PHRF1: variants seen among roughly 807,000 people sequenced by gnomAD.
PHRF1 encodes the protein PHD and ring finger domains 1, also known as PHD and RING finger domain-containing protein 1.
Under a neutral mutation model 128.9 loss-of-function variants are expected in PHRF1, and 53 were observed. That is an observed-to-expected ratio of 0.41 (90% CI 0.33 to 0.52). The LOEUF is 0.52. PHRF1 is among the 20% of genes least tolerant of loss of function. The pLI, the probability that PHRF1 is intolerant of heterozygous loss-of-function variation, is 0.21. For synonymous variants in PHRF1, 1,178 were observed against 980.6 expected (o/e 1.20, Z -3.76); for missense variants, 2,503 against 2,284.5 (o/e 1.10, Z -1.95).
At chr11:590,657 G>GGC (rs1854914469) in intron 4 of PHRF1, among the ~76,000 whole-genome samples, 1 of 152,156 alleles carries the variant, frequency 6.6e-6, no homozygotes, top group Non-Finnish European at 1.5e-5. Context: ...TATTAATAAA[G>GGC]GCAAAAATAA....
At chr11:590,847 G>A (rs1319582817) in intron 4 of PHRF1, among the ~76,000 whole-genome samples, 4 of 152,164 alleles carry the variant, frequency 2.6e-5, no homozygotes, top group Non-Finnish European at 4.4e-5. Context: ...GGGGTTACAG[G>A]TATGCGCCAC....
Position 607,771 on chromosome 11 carries a change from C to T in PHRF1, c.2315C>T (p.Ser772Leu), listed in dbSNP as rs752568631. 6.8e-6 allele frequency: 11 copies of T among 1,612,450 alleles called. No individual in the cohort carries two copies. Among genetic ancestry groups the T allele is most frequent in the Non-Finnish European group, 9.3e-6 (11 of 1,179,784 alleles). The stretch of plus-strand genomic sequence containing the variant: ...CCATCAAGAGGGAAAGGGGTCGGGT[C>T]GACCTTTGAGAGCTTCCGGATCAAT... ...LGPSRGKGVG[S>L]TFESFRINIP... The change falls in exon 14 of 18, where the codon TCG becomes TTG. Residue 772 changes from serine to leucine, a missense_variant. Transcript: ENST00000264555.
intron 12 of PHRF1, 39 bp downstream of exon 12, chr11:605,763 C>A: frequency 6.3e-7 from 1 of 1,576,384 alleles, no homozygotes; most frequent in South Asian, 1.1e-5. Context: ...GTGGGGGCAG[C>A]AGTTGGGCAT....
intron 1 of PHRF1, among the ~76,000 whole-genome samples, chr11:580,531 T>C (rs1303720105): frequency 6.6e-6 from 1 of 152,152 alleles, no homozygotes. Context: ...TGGGGTGCGG[T>C]CAGAGGAGCC....
Position 608,763 on chromosome 11 carries a change from C to T in PHRF1, c.3307C>T (p.His1103Tyr). The stretch of plus-strand genomic sequence containing the variant: ...GAGCCCTGGCAGCTCTTCCTATGAG[C>T]ACTATGAGAGTAGGAAGAAGAAGAA... Reference protein sequence around the residue: ...SGSPGSSSYEHYESRKKKKRR... With the variant: ...SGSPGSSSYEYYESRKKKKRR... The change falls in exon 14 of 18, where the codon CAC (histidine) becomes TAC (tyrosine). Residue 1103 changes from histidine (H) to tyrosine (Y), a missense_variant. Coordinates refer to ENST00000264555, the MANE Select transcript of PHRF1 (RefSeq NM_001286581.2). 1 of 1,611,644 alleles carries T rather than the reference C, an allele frequency of 6.2e-7. No individual in the cohort carries two copies. Among genetic ancestry groups the T allele is most frequent in the Non-Finnish European group, 8.5e-7 (1 of 1,179,592 alleles).
chr11:591,492 G>A (rs1854970013), intron 5 of PHRF1, 25 bp downstream of exon 5: 2 of 1,573,060 alleles, frequency 1.3e-6, no homozygotes, highest in Non-Finnish European at 1.7e-6. Context: ...TGCCGTGGAG[G>A]CCCCAGCCGT....
intron 9 of PHRF1, among the ~76,000 whole-genome samples, chr11:599,074 AC>A (rs1855474883): frequency 6.6e-6 from 1 of 151,892 alleles, no homozygotes; most frequent in South Asian, 2.1e-4. Flanking sequence ...CTTGTCAGAC[AC>A]CCCCGGCGCT....
Position 610,717 on chromosome 11 carries a change from A to C in PHRF1, c.4633A>C (p.Thr1545Pro). ...ATAASNSEEK[T>P]PAPRLAAEKT... ...TGCAGCCAGCAACTCGGAGGAGAAG[A>C]CCCCGGCCCCCAGGCTAGCTGCGGA... The change falls in exon 16 of 18, where the codon ACC becomes CCC. Residue 1545 changes from threonine (T) to proline (P), a missense_variant. Transcript: ENST00000264555. The C allele has an allele frequency of 6.2e-7, 1 of 1,602,440 alleles. No individual in the cohort carries two copies. The highest frequency in any genetic ancestry group is 8.5e-7 in the Non-Finnish European group (1 of 1,179,752).
rs758722573 is a variant in PHRF1 at position 608,981 on chromosome 11, C to T, written c.3525C>T (p.His1175=). The T allele has an allele frequency of 8.1e-6, 13 of 1,607,468 alleles. No homozygotes were observed. Among genetic ancestry groups the T allele is most frequent in the Admixed American group, 6.8e-5 (4 of 58,992 alleles). Residue 1175 remains histidine, a synonymous_variant, in exon 14 of 18, where the codon CAC becomes CAT. Transcript: ENST00000264555. ...SPSSEHRARE[H]RRPRSREKWP... ...GCTCGGAGCACAGGGCACGGGAGCA[C>T]AGGCGGCCTCGGTCCCGTGAGAAGT... is the stretch of plus-strand genomic sequence containing the variant.
At chr11:579,457 C>T (rs1162913553) in intron 1 of PHRF1, among the ~76,000 whole-genome samples, 1 of 152,188 alleles carries the variant, frequency 6.6e-6, no homozygotes, top group Non-Finnish European at 1.5e-5. Flanking sequence ...TCAGGGTGGT[C>T]ACAGCTATTG....
rs1003459467 is a variant in PHRF1 at position 610,071 on chromosome 11, G to T, written c.4265-125G>T. On this transcript the variant is annotated intron_variant, in intron 14 of 17. Coordinates refer to ENST00000264555, the MANE Select transcript of PHRF1 (RefSeq NM_001286581.2). ...TCGCAACCTCCCCTTGGTGCTGGGG[G>T]TGGATCTGAGGGCTGCTCTGTGGTC... 3.2e-6 allele frequency: 4 copies of T among 1,254,952 alleles called. No homozygotes were observed. In the African/African-American group the frequency reaches 6.1e-5, roughly 19 times the overall value. The allele number at this position is 1,254,952 out of a possible 1,614,324, so 77.7% of individuals were successfully genotyped here. A position where few individuals can be genotyped will look rare whatever the true frequency, so the allele number is the denominator to read the frequency against.
chr11:610,417 T>A (rs1274042410), intron 15 of PHRF1, 70 bp downstream of exon 15: 3 of 1,540,492 alleles, frequency 1.9e-6, no homozygotes, highest in South Asian at 1.2e-5. Flanking sequence ...CACACCACAC[T>A]AGGCTGGGGC....
intron 9 of PHRF1, among the ~76,000 whole-genome samples, chr11:599,764 G>T (rs1855519892): frequency 6.6e-6 from 1 of 151,752 alleles, no homozygotes; most frequent in African/African-American, 2.4e-5. Flanking sequence ...GTCTGGTGCA[G>T]GGTCCTGGGT....
chr11:578,044 T>A (rs1396075428), intron 1 of PHRF1, among the ~76,000 whole-genome samples: 1 of 152,230 alleles, frequency 6.6e-6, no homozygotes, highest in Admixed American at 6.5e-5. Flanking sequence ...AGAAATGGCT[T>A]CCTGGCCTGT....
intron 10 of PHRF1, 110 bp from the exon 11 acceptor site, chr11:605,009 C>G (rs917449032): frequency 7.1e-6 from 8 of 1,127,310 alleles, no homozygotes; most frequent in Non-Finnish European, 9.9e-6. Context: ...TAGTATTTTC[C>G]GGCTCTAGTG....
intron 3 of PHRF1, 103 bp from the exon 4 acceptor site, chr11:587,156 T>C (rs1298756011): frequency 9.0e-7 from 1 of 1,115,928 alleles, no homozygotes; most frequent in Admixed American, 2.1e-5. Flanking sequence ...GGGCTGTGCA[T>C]TGCCGACCTG....
At chr11:585,651 TTCCAGCTTGAGGTAGTAGCTCTTCAACTC>T (rs1854499717) in intron 3 of PHRF1, among the ~76,000 whole-genome samples, 1 of 102,292 alleles carries the variant, frequency 9.8e-6, no homozygotes, top group African/African-American at 3.3e-5. Flanking sequence ...TAGTAGCCCT[TTCCAGCTTGAGGTAGTAGCTCTTCAACTC>T]TTTTTTTTTT....
At chr11:606,687 A>G (rs1363016544) in intron 13 of PHRF1, 91 bp downstream of exon 13, 27 of 1,464,572 alleles carry the variant, frequency 1.8e-5, no homozygotes, top group Non-Finnish European at 2.4e-5. Flanking sequence ...CAGTCACGGA[A>G]GATGTAGCTG....
intron 10 of PHRF1, among the ~76,000 whole-genome samples, chr11:602,218 A>G (rs531205302): frequency 6.6e-6 from 1 of 152,280 alleles, no homozygotes; most frequent in South Asian, 2.1e-4. Flanking sequence ...ATCCAAAATC[A>G]TGGACCAGAC....
Sources: allele counts gnomAD v4.1 joint callset (sites outside exome capture counted in the v4.1 genomes callset), GRCh38; gene constraint gnomAD v4.1.1; transcripts MANE v1.5; gene names NCBI Gene and HGNC (gene_info 2026-07-23, HGNC 2026-07-21).